UBA2: variants seen among roughly 807,000 people sequenced by gnomAD.
UBA2 encodes ubiquitin like modifier activating enzyme 2, also known as SUMO-activating enzyme subunit 2.
UBA2 carries 11 observed loss-of-function variants against 77.2 expected under a neutral mutation model. That is an observed-to-expected ratio of 0.14 (90% confidence interval 0.09 to 0.24). The LOEUF is 0.24. Among genes scored for constraint, UBA2 ranks in the 10% least tolerant of loss-of-function variants. The pLI is 1.00. For synonymous variants in UBA2, 278 were observed against 276.7 expected, an observed-to-expected ratio of 1.00 and a Z score of -0.05; for missense variants, 487 against 781.7, an observed-to-expected ratio of 0.62 and a Z score of 4.50.
intron 12 of UBA2, 77 bp downstream of exon 12, chr19:34,454,633 T>C: frequency 1.4e-6 from 1 of 712,806 alleles, no homozygotes; most frequent in Non-Finnish European, 2.1e-6. Context: ...AACAGATAAT[T>C]TTTAAAATGA....
chr19:34,458,168 G>C (rs548610440), intron 12 of UBA2, among the ~76,000 whole-genome samples: 16 of 152,270 alleles, frequency 1.1e-4, no homozygotes, highest in African/African-American at 3.6e-4. Context: ...CCTTACTCTT[G>C]CCAAATCAGG....
At chr19:34,449,226 C>G (rs147560800) in intron 8 of UBA2, among the ~76,000 whole-genome samples, 2,228 of 151,970 alleles carry the variant, frequency 0.015, 25 homozygotes, top group South Asian at 0.025. Context: ...CGCGCCACGA[C>G]GCCCAGCTGA....
chr19:34,457,179 A>AAATATATATATATATAT (rs1262007864), intron 12 of UBA2, among the ~76,000 whole-genome samples: 4 of 53,222 alleles, frequency 7.5e-5, no homozygotes, highest in Admixed American at 2.0e-4. Context: ...AAAAAAAAAA[A>AAATATATATATATATAT]ATATATATAT....
At chr19:34,430,863 T>C (rs540816862) in intron 2 of UBA2, among the ~76,000 whole-genome samples, 1 of 152,346 alleles carries the variant, frequency 6.6e-6, no homozygotes, top group South Asian at 2.1e-4. Flanking sequence ...AATCCCGTGA[T>C]GGTGTAACTT....
At chr19:34,462,201 G>A (rs1230661055) in intron 14 of UBA2, among the ~76,000 whole-genome samples, 1 of 152,196 alleles carries the variant, frequency 6.6e-6, no homozygotes, top group Non-Finnish European at 1.5e-5. Context: ...AAACAGGGGA[G>A]TAGCAGGGAG....
At chr19:34,449,151 T>C (rs2075464972) in intron 8 of UBA2, among the ~76,000 whole-genome samples, 1 of 140,404 alleles carries the variant, frequency 7.1e-6, no homozygotes. Flanking sequence ...CTGACTGCAC[T>C]CTCCGCCTCC....
chr19:34,431,811 C>G lies in UBA2; in HGVS notation c.223-50C>G, dbSNP rs1484825976. ...CATTGTGGCTTCCAGAAGCAGATTTCAGATAGGAACAGAAATATTGTAGTA... is the reference window on the plus strand; with the variant it reads ...CATTGTGGCTTCCAGAAGCAGATTTGAGATAGGAACAGAAATATTGTAGTA... On this transcript the variant is annotated intron_variant, in intron 2 of 16. Coordinates refer to ENST00000246548, the MANE Select transcript of UBA2 (RefSeq NM_005499.3). The G allele has an allele frequency of 7.2e-6, 11 of 1,531,894 alleles. No homozygotes were observed. In the Admixed American group the frequency reaches 1.2e-4, roughly 16 times the overall value. 94.9% of individuals were successfully genotyped at this position (1,531,894 alleles called of 1,614,324 possible). A position where few individuals can be genotyped will look rare whatever the true frequency, so the allele number is the denominator to read the frequency against.
chr19:34,458,590 A>AAAAG (rs2075597835), intron 12 of UBA2, 179 bp from the exon 13 acceptor site: 8 of 200,410 alleles, frequency 4.0e-5, no homozygotes, highest in African/African-American at 2.1e-4. Flanking sequence ...AAAAAAAAAA[A>AAAAG]AAGAAGGTTG....
chr19:34,466,162 T>C (rs891531031), intron 15 of UBA2, among the ~76,000 whole-genome samples: 23 of 152,080 alleles, frequency 1.5e-4, no homozygotes, highest in Non-Finnish European at 3.4e-4. Context: ...GGTGAAACCC[T>C]GTCTCTACTA....
At chr19:34,446,385 T>G (rs1420775718) in intron 8 of UBA2, among the ~76,000 whole-genome samples, 1 of 152,222 alleles carries the variant, frequency 6.6e-6, no homozygotes, top group Non-Finnish European at 1.5e-5. Flanking sequence ...CGGTAAAGGC[T>G]AACTTTTGCA....
chr19:34,431,247 T>TC (rs2075250831), intron 2 of UBA2, among the ~76,000 whole-genome samples: 3 of 125,418 alleles, frequency 2.4e-5, no homozygotes. Context: ...TTCTTTTCTT[T>TC]TTTTTTTTTT....
intron 1 of UBA2, chr19:34,430,320 A>T (rs775002456): frequency 8.8e-6 from 3 of 340,590 alleles, no homozygotes; most frequent in Non-Finnish European, 1.6e-5. Context: ...AATATTTTCC[A>T]GGATGATTAA....
chr19:34,462,222 G>GGA (rs1805113984), intron 14 of UBA2, among the ~76,000 whole-genome samples: 2 of 152,304 alleles, frequency 1.3e-5, no homozygotes, highest in African/African-American at 4.8e-5. Flanking sequence ...CTATTAGGGA[G>GGA]GAGGGGATTG....
At position 34,470,116 on chromosome 19, in the gene UBA2, G is replaced by A. The variant is rs1025561173; in HGVS notation, c.*895G>A. Reference sequence around the variant, plus strand: ...CTAAAAAAAAAAAAAAAAATTAGCCGGGCCTGGTGGCAGGCACCTGTAATT... The same window carrying A: ...CTAAAAAAAAAAAAAAAAATTAGCCAGGCCTGGTGGCAGGCACCTGTAATT... On this transcript the variant is annotated 3_prime_UTR_variant, in exon 17 of 17. Transcript: ENST00000246548. The A allele has an allele frequency of 4.0e-5, 6 of 149,762 alleles. No homozygotes were observed. Among genetic ancestry groups the A allele is most frequent in the African/African-American group, 1.2e-4 (5 of 40,560 alleles). The allele number at this position is 149,762 out of a possible 1,614,324, so 9.3% of individuals were successfully genotyped here.
chr19:34,450,839 A>G (rs934246744), intron 9 of UBA2, among the ~76,000 whole-genome samples: 2 of 145,212 alleles, frequency 1.4e-5, no homozygotes, highest in Non-Finnish European at 3.0e-5. Context: ...ACCTGGGTTC[A>G]AGCGATTCTC....
chr19:34,462,633 G>C (rs573283754), intron 14 of UBA2, among the ~76,000 whole-genome samples: 1 of 151,498 alleles, frequency 6.6e-6, no homozygotes, highest in Admixed American at 6.6e-5. Context: ...ATGTTAAAAA[G>C]CCAAAAAAAA....
intron 14 of UBA2, among the ~76,000 whole-genome samples, chr19:34,462,827 C>T (rs1029765268): frequency 1.3e-5 from 2 of 151,866 alleles, no homozygotes; most frequent in African/African-American, 4.8e-5. Context: ...TTAGGCCGGG[C>T]GTTGTAGCTG....
intron 12 of UBA2, among the ~76,000 whole-genome samples, chr19:34,456,095 C>CTTTTTTTTTTTTTTTTTTTT (rs1393766434): frequency 1.4e-5 from 1 of 69,624 alleles, no homozygotes; most frequent in Non-Finnish European, 2.6e-5. Flanking sequence ...TCTTTTTTTC[C>CTTTTTTTTTTTTTTTTTTTT]TTTTCTTTTT....
intron 2 of UBA2, among the ~76,000 whole-genome samples, chr19:34,431,617 C>A (rs1864780167): frequency 6.6e-6 from 1 of 152,062 alleles, no homozygotes; most frequent in Non-Finnish European, 1.5e-5. Context: ...GCTTGCCATT[C>A]ATGTAGAAGT....
Sources: allele counts gnomAD v4.1 joint callset (sites outside exome capture counted in the v4.1 genomes callset), GRCh38; gene constraint gnomAD v4.1.1; transcripts MANE v1.5; gene names NCBI Gene and HGNC (gene_info 2026-07-23, HGNC 2026-07-21).